Variants in RHOBTB1 observed in about 807,000 individuals in gnomAD.
RHOBTB1 encodes rho-related BTB domain-containing protein 1.
RHOBTB1 carries 40 observed loss-of-function variants against 71.6 expected under a neutral mutation model. That is an observed-to-expected ratio of 0.56 (90% CI 0.43 to 0.73). The LOEUF is 0.73. RHOBTB1 is among the 30% of genes least tolerant of loss of function. RHOBTB1 has a pLI of 0.00. For missense variants in RHOBTB1, 797 were observed against 894.0 expected, an observed-to-expected ratio of 0.89 and a Z score of 1.38; for synonymous variants, 319 against 334.9, an observed-to-expected ratio of 0.95 and a Z score of 0.52.
intron 7 of RHOBTB1, 69 bp from the exon 8 acceptor site, chr10:60,878,127 C>A (rs1381757806): frequency 3.8e-5 from 49 of 1,277,340 alleles, no homozygotes; most frequent in Non-Finnish European, 5.3e-5. Flanking sequence ...TCAGGCTATG[C>A]TGCTTATAAA....
At position 60,890,317 on chromosome 10, in the gene RHOBTB1, C is replaced by T. The variant is rs762869242; in HGVS notation, c.483-1132G>A. 5.9e-5 allele frequency among the ~76,000 whole-genome samples: 9 copies of T among 152,174 alleles called. No individual in the cohort carries two copies. The Middle Eastern group carries it at 0.01, about 173-fold the overall frequency. The stretch of plus-strand genomic sequence containing the variant: ...TCACACCCACTCCTCACATTTTAGT[C>T]CACAGTCCTCACTGCTGCAAGAAAA... On this transcript the variant is annotated intron_variant, in intron 5 of 10. Transcript: ENST00000337910.
At chr10:60,979,813 T>C (rs2086434155) in intron 2 of RHOBTB1, among the ~76,000 whole-genome samples, 2 of 152,164 alleles carry the variant, frequency 1.3e-5, no homozygotes, top group Non-Finnish European at 1.5e-5. Flanking sequence ...GAAGGTCTTA[T>C]TGAGAAGGTG....
chr10:60,999,172 G>T (rs181566007), intron 1 of RHOBTB1, among the ~76,000 whole-genome samples: 43 of 152,318 alleles, frequency 2.8e-4, no homozygotes, highest in Non-Finnish European at 2.8e-4. Context: ...GATAAAGGAG[G>T]AGTGGCGGCA....
At chr10:60,968,595 A>G (rs1211282975) in intron 2 of RHOBTB1, among the ~76,000 whole-genome samples, 1 of 152,064 alleles carries the variant, frequency 6.6e-6, no homozygotes, top group Non-Finnish European at 1.5e-5. Flanking sequence ...TACACAAGCA[A>G]AGGATTGTTG....
rs774695964 is a variant in RHOBTB1, at chr10:60,874,945, G to C, written c.1815+9C>G. ...ACACTTAAAAGGTAAAAAGCAAACT[G>C]TTACAAACCTGAGCCAATTCCAAGT... On this transcript the variant is annotated intron_variant, in intron 9 of 10. Transcript: ENST00000337910. 6 of 1,601,480 alleles carry C rather than the reference G, an allele frequency of 3.7e-6. No individual in the cohort carries two copies. Among genetic ancestry groups the C allele is most frequent in the Non-Finnish European group, 3.4e-6 (4 of 1,168,460 alleles).
At chr10:60,889,481 T>A (rs2081803917) in intron 5 of RHOBTB1, among the ~76,000 whole-genome samples, 1 of 152,238 alleles carries the variant, frequency 6.6e-6, no homozygotes, top group Non-Finnish European at 1.5e-5. Flanking sequence ...AATTTTATTT[T>A]CCAATTGTTC....
chr10:60,896,847 A>G (rs1051439456), intron 4 of RHOBTB1, among the ~76,000 whole-genome samples: 4 of 152,226 alleles, frequency 2.6e-5, no homozygotes, highest in Non-Finnish European at 2.9e-5. Context: ...TGTTGAAACA[A>G]TTGGAGATCT....
chr10:60,899,364 C>A (rs990795725), intron 4 of RHOBTB1, among the ~76,000 whole-genome samples: 1 of 152,192 alleles, frequency 6.6e-6, no homozygotes, highest in Non-Finnish European at 1.5e-5. Flanking sequence ...CTTTGGCATT[C>A]CCTGAAGCTG....
chr10:60,946,228 C>A (rs1412231763), upstream of RHOBTB1, among the ~76,000 whole-genome samples: 2 of 151,760 alleles, frequency 1.3e-5, no homozygotes, highest in African/African-American at 2.4e-5. Flanking sequence ...TGCAAAATGA[C>A]TCCATCTTGA....
intron 2 of RHOBTB1, among the ~76,000 whole-genome samples, chr10:60,958,850 C>T (rs2085683944): frequency 6.6e-6 from 1 of 152,068 alleles, no homozygotes; most frequent in Non-Finnish European, 1.5e-5. Flanking sequence ...ATCCTCCTGC[C>T]TAGGACTCCC....
intron 1 of RHOBTB1, among the ~76,000 whole-genome samples, chr10:60,995,397 G>C (rs909912319): frequency 7.2e-5 from 11 of 152,138 alleles, no homozygotes; most frequent in Non-Finnish European, 1.3e-4. Context: ...TGGCTCCAGA[G>C]CACCCAAGAT....
At chr10:60,963,058 G>A (rs1485555777) in intron 2 of RHOBTB1, among the ~76,000 whole-genome samples, 1 of 152,098 alleles carries the variant, frequency 6.6e-6, no homozygotes, top group Non-Finnish European at 1.5e-5. Context: ...ATTCTTCCAA[G>A]AAGTATTGCA....
intron 2 of RHOBTB1, among the ~76,000 whole-genome samples, chr10:60,968,556 T>C (rs1234347653): frequency 6.6e-6 from 1 of 152,066 alleles, no homozygotes; most frequent in Non-Finnish European, 1.5e-5. Flanking sequence ...CTGACCATCT[T>C]TGAGGAGCTG....
At chr10:60,884,546 G>A (rs1397050707) in intron 7 of RHOBTB1, among the ~76,000 whole-genome samples, 1 of 152,140 alleles carries the variant, frequency 6.6e-6, no homozygotes, top group African/African-American at 2.4e-5. Context: ...CATGTTAACT[G>A]TAGCACTATT....
At chr10:60,931,705 A>G (rs540089730) in intron 2 of RHOBTB1, among the ~76,000 whole-genome samples, 3 of 152,266 alleles carry the variant, frequency 2.0e-5, no homozygotes, top group Non-Finnish European at 4.4e-5. Flanking sequence ...TCAAAACTAT[A>G]TGTATATATA....
intron 2 of RHOBTB1, among the ~76,000 whole-genome samples, chr10:60,984,393 G>A (rs771978699): frequency 3.0e-4 from 46 of 152,142 alleles, no homozygotes; most frequent in Non-Finnish European, 5.7e-4. Flanking sequence ...TTATGCATAT[G>A]ACTATTCTGA....
chr10:60,871,349 G>T lies in RHOBTB1; in HGVS notation c.*133C>A. Reference sequence around the variant, plus strand: ...TCCTAACAAAGATAAATGCACAAAAGTGGAGGAAGATCAGTGCCCGAAACC... The same window carrying T: ...TCCTAACAAAGATAAATGCACAAAATTGGAGGAAGATCAGTGCCCGAAACC... On this transcript the variant is annotated 3_prime_UTR_variant, in exon 11 of 11. Transcript: ENST00000337910. 1 of 808,154 alleles carries T rather than the reference G, an allele frequency of 1.2e-6. No homozygotes were observed. The highest frequency in any genetic ancestry group is 1.9e-6 in the Non-Finnish European group (1 of 519,708). The allele number at this position is 808,154 out of a possible 1,614,324, so 50.1% of individuals were successfully genotyped here.
intron 2 of RHOBTB1, among the ~76,000 whole-genome samples, chr10:60,955,694 T>A (rs2085567269): frequency 6.6e-6 from 1 of 152,118 alleles, no homozygotes; most frequent in Admixed American, 6.5e-5. Context: ...TCCCTTAGTC[T>A]AAATTTGTGG....
chr10:60,911,355 T>A lies in RHOBTB1; in HGVS notation c.188A>T (p.Gln63Leu). 1 of 1,607,866 alleles carries A rather than the reference T, an allele frequency of 6.2e-7. No individual in the cohort carries two copies. The highest frequency in any genetic ancestry group is 8.5e-7 in the Non-Finnish European group (1 of 1,174,804). Residue 63 changes from glutamine to leucine, a missense_variant, in exon 3 of 11, where the codon CAG becomes CTG. Around this residue, in one of 2 missense-constraint regions of RHOBTB1, gnomAD observed 139 missense variants for 212.5 expected, o/e 0.65. Coordinates refer to ENST00000337910, the MANE Select transcript of RHOBTB1 (RefSeq NM_014836.5). ...AAGACACTCTGTGCATCTTACCTCC[T>A]GGCACACGCGGTACTGGTCAATCGC... ...VWAIDQYRVC[Q>L]EVLERSRDVV...
Sources: allele counts gnomAD v4.1 joint callset (sites outside exome capture counted in the v4.1 genomes callset), GRCh38; gene constraint gnomAD v4.1.1; regional missense constraint gnomAD v4.1.1; transcripts MANE v1.5; gene names NCBI Gene and HGNC (gene_info 2026-07-23, HGNC 2026-07-21).